Variants in MCHR2 observed in about 807,000 individuals in gnomAD.
MCHR2 encodes the protein melanin concentrating hormone receptor 2.
Under a neutral mutation model 24.8 loss-of-function variants are expected in MCHR2, and 15 were observed. The observed-to-expected ratio is 0.60, with a 90% CI of 0.40 to 0.93. MCHR2 has a LOEUF of 0.93. Among genes scored for constraint, MCHR2 ranks in the 40% least tolerant of loss-of-function variants. MCHR2 has a pLI of 0.00. For missense variants in MCHR2, 386 were observed against 408.7 expected (o/e 0.94, Z 0.48); for synonymous variants, 151 against 147.6 (o/e 1.02, Z -0.17).
At chr6:99,981,719 C>G (rs1376726904) in intron 1 of MCHR2, among the ~76,000 whole-genome samples, 1 of 152,092 alleles carries the variant, frequency 6.6e-6, no homozygotes, top group Non-Finnish European at 1.5e-5. Context: ...CATATCTGTG[C>G]TTTCTCTCAT....
chr6:99,921,016 C>T lies in MCHR2; in HGVS notation c.947G>A (p.Arg316His), dbSNP rs748502452. ...CGCTCTTCTTTGGATTTGAGGCAGA[C>T]GTTTCTGGAAATTTCCACTCAGCAG... ...YILLSGNFQK[R>H]LPQIQRRATE... Residue 316 changes from arginine to histidine, a missense_variant, in exon 6 of 6, where the codon CGT (arginine) becomes CAT (histidine). Physicochemically the swap from Arg to His is conservative, Grantham distance 29 (BLOSUM62 0). Transcript: ENST00000281806. The T allele has an allele frequency of 1.2e-5, 19 of 1,614,002 alleles. No homozygotes were observed. In the South Asian group the frequency reaches 1.3e-4, roughly 11 times the overall value.
rs148776608 is a variant in MCHR2, at chr6:99,921,237, T to C, written c.726A>G (p.Pro242=). Reference sequence around the variant, plus strand: ...TTGTCAACTTCATCACTCTCTGTTTTGGTACACTGGGATTGCAGCTGCAGA... The same window carrying C: ...TTGTCAACTTCATCACTCTCTGTTTCGGTACACTGGGATTGCAGCTGCAGA... The part of the protein sequence containing the change: ...KDARCCNPSV[P]KQRVMKLTKM... The change falls in exon 6 of 6, where the codon CCA becomes CCG. Residue 242 remains proline, a synonymous_variant. Coordinates refer to ENST00000281806, the MANE Select transcript of MCHR2 (RefSeq NM_001040179.2). 1.4e-5 allele frequency: 23 copies of C among 1,613,500 alleles called. No individual in the cohort carries two copies. In the African/African-American group the frequency reaches 2.5e-4, roughly 18 times the overall value.
At chr6:99,931,133 G>A (rs570474718) in intron 5 of MCHR2, among the ~76,000 whole-genome samples, 8 of 152,248 alleles carry the variant, frequency 5.3e-5, no homozygotes, top group African/African-American at 1.4e-4. Flanking sequence ...TACCAGCAGC[G>A]GTGGCTGCAG....
At chr6:99,939,408 A>T (rs946879388) in intron 4 of MCHR2, among the ~76,000 whole-genome samples, 3 of 152,078 alleles carry the variant, frequency 2.0e-5, no homozygotes, top group African/African-American at 7.2e-5. Context: ...AAGTTATTCT[A>T]AAGAGATGAT....
At position 99,943,045 on chromosome 6, in the gene MCHR2, A is replaced by G. The variant is rs1562122636; in HGVS notation, c.491T>C (p.Leu164Pro). Residue 164 changes from leucine (L) to proline (P), a missense_variant, in exon 4 of 6, where the codon CTG becomes CCG. Coordinates refer to ENST00000281806, the MANE Select transcript of MCHR2 (RefSeq NM_001040179.2). ...NLGLWAASFI[L>P]ALPVWVYSKV... ...CGAGTAGACCCAGACAGGCAATGCC[A>G]GGATAAAGGAAGCTGCCCAAAGGCC... is the stretch of plus-strand genomic sequence containing the variant. 3.1e-6 allele frequency: 5 copies of G among 1,613,308 alleles called. No individual in the cohort carries two copies. Among genetic ancestry groups the G allele is most frequent in the Non-Finnish European group, 4.2e-6 (5 of 1,179,434 alleles).
In MCHR2 at chr6:99,974,313, T is replaced by C. The variant is rs888894354; in HGVS notation, c.-27-18139A>G. ...TTCTCACTTCATTTCATTCATTTCATCTTCCAACACTGATACACTTTCTTC... is the reference window on the plus strand; with the variant it reads ...TTCTCACTTCATTTCATTCATTTCACCTTCCAACACTGATACACTTTCTTC... On this transcript the variant is annotated intron_variant, in intron 1 of 5. Coordinates refer to ENST00000281806, the MANE Select transcript of MCHR2 (RefSeq NM_001040179.2). Among the ~76,000 whole-genome samples the C allele has an allele frequency of 3.9e-5, 6 of 152,362 alleles. No homozygotes were observed. The South Asian group carries it at 1.0e-3, about 26-fold the overall frequency.
At chr6:99,940,761 G>A (rs1367917372) in intron 4 of MCHR2, among the ~76,000 whole-genome samples, 1 of 152,046 alleles carries the variant, frequency 6.6e-6, no homozygotes, top group Non-Finnish European at 1.5e-5. Context: ...GGCTCTAGGT[G>A]GTGCCTTAAG....
chr6:99,981,904 T>C (rs932496885), intron 1 of MCHR2, among the ~76,000 whole-genome samples: 1 of 152,194 alleles, frequency 6.6e-6, no homozygotes, highest in African/African-American at 2.4e-5. Flanking sequence ...TGTGTTTACA[T>C]GCACTTCCCC....
At chr6:99,921,584 G>A (rs1320996176) in intron 5 of MCHR2, among the ~76,000 whole-genome samples, 1 of 151,868 alleles carries the variant, frequency 6.6e-6, no homozygotes, top group African/African-American at 2.4e-5. Flanking sequence ...TGAAGAATTG[G>A]GTATCCATCC....
chr6:99,987,269 C>T (rs1019389886), intron 1 of MCHR2, among the ~76,000 whole-genome samples: 11 of 151,880 alleles, frequency 7.2e-5, no homozygotes, highest in Non-Finnish European at 1.3e-4. Context: ...CCCGGCTAAT[C>T]CTTATACTTT....
chr6:99,978,723 C>T (rs6900585), intron 1 of MCHR2, among the ~76,000 whole-genome samples: 25,020 of 151,984 alleles, frequency 0.16, 2,230 homozygotes, highest in African/African-American at 0.21. Context: ...TGGCCCAAGA[C>T]AGTTCTTTAG....
Position 99,919,980 on chromosome 6 carries a change from C to G in MCHR2, c.*960G>C, listed in dbSNP as rs994123943. 7 of 152,334 alleles carry G rather than the reference C, an allele frequency of 4.6e-5. No individual in the cohort carries two copies. The highest frequency in any genetic ancestry group is 2.6e-4 in the Admixed American group (4 of 15,296). The allele number at this position is 152,334 out of a possible 1,614,324, so 9.4% of individuals were successfully genotyped here. A position where few individuals can be genotyped will look rare whatever the true frequency, so the allele number is the denominator to read the frequency against. On this transcript the variant is annotated 3_prime_UTR_variant, in exon 6 of 6. Transcript: ENST00000281806. ...TGACTTTGTGATCCACCTGCCTCCA[C>G]CTCCCAAAGTGCTGGGATTACAGGC...
intron 1 of MCHR2, among the ~76,000 whole-genome samples, chr6:99,961,432 C>T (rs781634026): frequency 3.3e-5 from 5 of 152,026 alleles, no homozygotes; most frequent in Non-Finnish European, 5.9e-5. Flanking sequence ...GCACTGTTCA[C>T]GGTAGCAAAG....
intron 2 of MCHR2, among the ~76,000 whole-genome samples, chr6:99,955,235 A>G (rs1775036911): frequency 6.6e-6 from 1 of 152,190 alleles, no homozygotes; most frequent in Non-Finnish European, 1.5e-5. Context: ...GTGTGCACTA[A>G]TTCTGAATCC....
intron 4 of MCHR2, among the ~76,000 whole-genome samples, chr6:99,939,284 T>C (rs1436225496): frequency 6.6e-6 from 1 of 152,126 alleles, no homozygotes; most frequent in Non-Finnish European, 1.5e-5. Flanking sequence ...TCTTCCTTTG[T>C]GGAAAAGTGA....
At chr6:99,951,507 G>A (rs935689407) in intron 2 of MCHR2, among the ~76,000 whole-genome samples, 9 of 152,070 alleles carry the variant, frequency 5.9e-5, no homozygotes, top group Admixed American at 4.6e-4. Context: ...CTATGCCCTC[G>A]CTCATTGTGT....
intron 1 of MCHR2, among the ~76,000 whole-genome samples, chr6:99,967,599 C>G (rs756320961): frequency 5.9e-5 from 9 of 152,018 alleles, no homozygotes; most frequent in African/African-American, 9.7e-5. Flanking sequence ...GGTTTTGTTA[C>G]TATTTTCAAG....
intron 5 of MCHR2, among the ~76,000 whole-genome samples, chr6:99,933,636 T>A (rs1774590490): frequency 1.4e-5 from 1 of 71,014 alleles, no homozygotes. Context: ...TTGCTCACAT[T>A]TTTTTAAACA....
chr6:99,966,668 C>T (rs1406003254), intron 1 of MCHR2, among the ~76,000 whole-genome samples: 1 of 152,066 alleles, frequency 6.6e-6, no homozygotes, highest in Admixed American at 6.6e-5. Context: ...GTTAAATATA[C>T]AGAAACAAAA....
Sources: gnomAD v4.1 joint callset for allele counts (sites outside exome capture counted in the v4.1 genomes callset) on GRCh38, gnomAD v4.1.1 for gene constraint, MANE v1.5 for transcripts, NCBI Gene and HGNC (gene_info 2026-07-23, HGNC 2026-07-21) for gene names.